Variants in GPC5 observed in about 807,000 individuals in gnomAD.
GPC5 encodes the protein glypican-5.
GPC5 carries 47 observed loss-of-function variants against 53.9 expected under a neutral mutation model. The ratio of observed to expected loss-of-function variants is 0.87; its 90% CI spans 0.69 to 1.11. The LOEUF (loss-of-function observed/expected upper bound fraction) is 1.11. GPC5 is among the 50% of genes most tolerant of loss of function. The pLI, the probability that GPC5 is intolerant of heterozygous loss-of-function variation, is 0.00. For synonymous variants in GPC5, 286 were observed against 263.3 expected (o/e 1.09, Z -0.84); for missense variants, 748 against 713.1 (o/e 1.05, Z -0.56).
At chr13:92,155,146 A>G (rs1593938882) in intron 7 of GPC5, among the ~76,000 whole-genome samples, 4 of 152,210 alleles carry the variant, frequency 2.6e-5, no homozygotes, top group Admixed American at 2.6e-4. Flanking sequence ...CATGGGGACA[A>G]TATTTTACGA....
At chr13:92,364,534 T>A (rs1277951027) in intron 7 of GPC5, among the ~76,000 whole-genome samples, 1 of 151,548 alleles carries the variant, frequency 6.6e-6, no homozygotes, top group Non-Finnish European at 1.5e-5. Flanking sequence ...ATAGAGACCA[T>A]CCTGGCTAAC....
chr13:92,764,394 A>G (rs1570973), intron 7 of GPC5, among the ~76,000 whole-genome samples: 1 of 152,210 alleles, frequency 6.6e-6, no homozygotes, highest in South Asian at 2.1e-4. Context: ...CAGTAGCTGT[A>G]TGGCTCATGG....
At chr13:91,973,782 G>C (rs1047103107) in intron 6 of GPC5, among the ~76,000 whole-genome samples, 72 of 152,260 alleles carry the variant, frequency 4.7e-4, no homozygotes, top group African/African-American at 1.7e-3. Context: ...CAGAACAGCG[G>C]TGGCTGTAGA....
At chr13:92,308,509 T>G (rs2043125771) in intron 7 of GPC5, among the ~76,000 whole-genome samples, 1 of 152,212 alleles carries the variant, frequency 6.6e-6, no homozygotes, top group Non-Finnish European at 1.5e-5. Context: ...TTCTTAAGAA[T>G]GCATTCCAGT....
intron 7 of GPC5, among the ~76,000 whole-genome samples, chr13:92,243,700 A>AGGTTT (rs1566501454): frequency 6.6e-6 from 1 of 151,370 alleles, no homozygotes; most frequent in African/African-American, 2.4e-5. Flanking sequence ...CATTGAATTG[A>AGGTTT]AGTTCTAATG....
At chr13:91,862,092 T>G (rs1722920745) in intron 5 of GPC5, among the ~76,000 whole-genome samples, 1 of 152,150 alleles carries the variant, frequency 6.6e-6, no homozygotes, top group Non-Finnish European at 1.5e-5. Flanking sequence ...AAAAAGTATT[T>G]TCTGTTACTC....
At chr13:91,427,043 A>C (rs1348508019) in intron 1 of GPC5, among the ~76,000 whole-genome samples, 1 of 152,226 alleles carries the variant, frequency 6.6e-6, no homozygotes, top group Non-Finnish European at 1.5e-5. Flanking sequence ...CCTAGATTTC[A>C]GGAGCTGTAT....
chr13:92,817,845 A>C (rs1355614582), intron 7 of GPC5, among the ~76,000 whole-genome samples: 1 of 151,942 alleles, frequency 6.6e-6, no homozygotes, highest in Non-Finnish European at 1.5e-5. Context: ...CAGAAGAACA[A>C]GGTTTTAATG....
At position 92,221,710 on chromosome 13, in the gene GPC5, A is replaced by G. The variant is rs935750348; in HGVS notation, c.1561+76721A>G. On this transcript the variant is annotated intron_variant, in intron 7 of 7. Coordinates refer to ENST00000377067, the MANE Select transcript of GPC5 (RefSeq NM_004466.6). ...CGCAAAGTGCACGCCAACAATATCC[A>G]TGTTTTTCCTATTTTTTTTCCATTA... Among the ~76,000 whole-genome samples, 3 of 145,196 alleles carry G rather than the reference A, an allele frequency of 2.1e-5. No homozygotes were observed. The East Asian group carries it at 6.2e-4, about 30-fold the overall frequency.
chr13:91,984,283 C>A (rs902323375), intron 6 of GPC5, among the ~76,000 whole-genome samples: 2 of 152,102 alleles, frequency 1.3e-5, no homozygotes, highest in Non-Finnish European at 2.9e-5. Flanking sequence ...ATTGTTTTAT[C>A]TGTTTCTATA....
chr13:91,817,075 T>C (rs1435924174), intron 5 of GPC5, among the ~76,000 whole-genome samples: 1 of 152,222 alleles, frequency 6.6e-6, no homozygotes, highest in Non-Finnish European at 1.5e-5. Flanking sequence ...TCTGTGTTAA[T>C]TCTGAATTTT....
chr13:92,628,172 C>A (rs1282389867), intron 7 of GPC5, among the ~76,000 whole-genome samples: 4 of 151,714 alleles, frequency 2.6e-5, no homozygotes, highest in South Asian at 2.1e-4. Flanking sequence ...ACTTCCTTCA[C>A]CACCTAATAG....
At chr13:92,025,053 C>T (rs2040789597) in intron 6 of GPC5, among the ~76,000 whole-genome samples, 1 of 152,132 alleles carries the variant, frequency 6.6e-6, no homozygotes, top group Non-Finnish European at 1.5e-5. Context: ...AGGAACTAAT[C>T]TCTACCCTTT....
At chr13:91,691,053 G>A (rs566349940) in intron 2 of GPC5, among the ~76,000 whole-genome samples, 3 of 152,270 alleles carry the variant, frequency 2.0e-5, no homozygotes, top group Non-Finnish European at 2.9e-5. Flanking sequence ...GAAACATACA[G>A]GCTTGGCAGT....
chr13:91,590,040 A>G (rs1038918141), intron 2 of GPC5, among the ~76,000 whole-genome samples: 59 of 151,886 alleles, frequency 3.9e-4, no homozygotes, highest in Non-Finnish European at 8.8e-5. Context: ...TAGAATTTAT[A>G]TATCTTATTA....
chr13:92,424,678 C>T (rs1876744931), intron 7 of GPC5, among the ~76,000 whole-genome samples: 1 of 151,730 alleles, frequency 6.6e-6, no homozygotes, highest in Non-Finnish European at 1.5e-5. Flanking sequence ...GGTCTCTCTT[C>T]CACTAGTCTC....
At chr13:92,081,602 TAC>T (rs1424910290) in intron 6 of GPC5, among the ~76,000 whole-genome samples, 1 of 152,182 alleles carries the variant, frequency 6.6e-6, no homozygotes, top group Non-Finnish European at 1.5e-5. Flanking sequence ...TAATTTCTTC[TAC>T]ACTTCCATGC....
At chr13:91,949,038 T>C (rs2040002308) in intron 6 of GPC5, among the ~76,000 whole-genome samples, 1 of 152,200 alleles carries the variant, frequency 6.6e-6, no homozygotes, top group African/African-American at 2.4e-5. Flanking sequence ...TACCAGGTAG[T>C]CGTTACTATC....
chr13:91,898,808 T>C (rs1248794524), intron 5 of GPC5, among the ~76,000 whole-genome samples: 1 of 152,102 alleles, frequency 6.6e-6, no homozygotes, highest in East Asian at 1.9e-4. Context: ...TACATTCTTA[T>C]GGTGATAAAA....
Sources: gnomAD v4.1 joint callset for allele counts (sites outside exome capture counted in the v4.1 genomes callset) on GRCh38, gnomAD v4.1.1 for gene constraint, MANE v1.5 for transcripts, NCBI Gene and HGNC (gene_info 2026-07-23, HGNC 2026-07-21) for gene names.